DENND1A: variants seen among roughly 807,000 people sequenced by gnomAD.
DENND1A encodes DENN domain containing 1A, also known as DENN domain-containing protein 1A.
Under a neutral mutation model 113.7 loss-of-function variants are expected in DENND1A, and 51 were observed. The observed-to-expected ratio is 0.45, with a 90% CI of 0.36 to 0.57. DENND1A has a LOEUF of 0.57. DENND1A is among the 20% of genes least tolerant of loss of function. The pLI is 0.00. For synonymous variants in DENND1A, 565 were observed against 570.8 expected, an observed-to-expected ratio of 0.99 and a Z score of 0.14; for missense variants, 1,258 against 1,395.9, an observed-to-expected ratio of 0.90 and a Z score of 1.57.
At chr9:123,414,552 T>G in intron 19 of DENND1A, 1 of 1,550,250 alleles carries the variant, frequency 6.5e-7, no homozygotes, top group Non-Finnish European at 8.7e-7. Context: ...TGAGAAATGC[T>G]GTCTTCTGTC....
At chr9:123,412,365 C>T (rs1431706996) in intron 19 of DENND1A, among the ~76,000 whole-genome samples, 3 of 152,228 alleles carry the variant, frequency 2.0e-5, no homozygotes, top group Non-Finnish European at 2.9e-5. Flanking sequence ...GCCTGCCAAA[C>T]GTGTGCCTGT....
In DENND1A at chr9:123,785,606, T is replaced by G. The variant is rs558591418; in HGVS notation, c.132+6981A>C. ...AAGCAGATATTTAAGCTGGGATGTA[T>G]TTCTACATCTGTAATCTATCAATGA... On this transcript the variant is annotated intron_variant, in intron 3 of 23. Coordinates refer to ENST00000394215, the MANE Select transcript of DENND1A (RefSeq NM_001352964.2). Among the ~76,000 whole-genome samples, 26 of 152,280 alleles carry G rather than the reference T, an allele frequency of 1.7e-4. No individual in the cohort carries two copies. In the East Asian group the frequency reaches 5.0e-3, roughly 29 times the overall value.
chr9:123,546,394 A>G (rs2056691300), intron 13 of DENND1A, among the ~76,000 whole-genome samples: 1 of 150,374 alleles, frequency 6.7e-6, no homozygotes, highest in Non-Finnish European at 1.5e-5. Context: ...TAAAAATACA[A>G]AAAAAAAAGT....
At chr9:123,430,137 G>C (rs549747463) in intron 19 of DENND1A, among the ~76,000 whole-genome samples, 2 of 152,310 alleles carry the variant, frequency 1.3e-5, no homozygotes, top group Admixed American at 6.5e-5. Flanking sequence ...ACCACAATGA[G>C]ATACCATCTC....
At chr9:123,582,553 C>T (rs533797078) in intron 12 of DENND1A, among the ~76,000 whole-genome samples, 1 of 151,956 alleles carries the variant, frequency 6.6e-6, no homozygotes, top group Admixed American at 6.5e-5. Flanking sequence ...GCACATGCCA[C>T]CATGCTCAGT....
At chr9:123,523,867 C>G in intron 13 of DENND1A, among the ~76,000 whole-genome samples, 1 of 152,210 alleles carries the variant, frequency 6.6e-6, no homozygotes, top group Non-Finnish European at 1.5e-5. Context: ...GAAAACTCTT[C>G]TAGTCCAGAA....
chr9:123,507,014 A>C (rs2480454), intron 13 of DENND1A, among the ~76,000 whole-genome samples: 146,159 of 152,182 alleles, frequency 0.96, 70,397 homozygotes, highest in Non-Finnish European at 1. Context: ...GGTGAAACTC[A>C]GTCTCTACTA....
At chr9:123,710,751 C>A (rs1403940529) in intron 5 of DENND1A, among the ~76,000 whole-genome samples, 1 of 151,198 alleles carries the variant, frequency 6.6e-6, no homozygotes, top group East Asian at 1.9e-4. Context: ...TGACTCACTG[C>A]AACCTCCATC....
At chr9:123,467,400 A>G (rs533087190) in intron 13 of DENND1A, among the ~76,000 whole-genome samples, 1 of 152,308 alleles carries the variant, frequency 6.6e-6, no homozygotes, top group Non-Finnish European at 1.5e-5. Context: ...TCACGCCTGT[A>G]ATCCCAGCAC....
intron 2 of DENND1A, among the ~76,000 whole-genome samples, chr9:123,856,282 T>C (rs1484790661): frequency 6.6e-6 from 1 of 152,094 alleles, no homozygotes; most frequent in Non-Finnish European, 1.5e-5. Flanking sequence ...ATAGGAGGGC[T>C]TGCACAATAT....
chr9:123,507,781 GC>G (rs2053095411), intron 13 of DENND1A, among the ~76,000 whole-genome samples: 1 of 151,424 alleles, frequency 6.6e-6, no homozygotes, highest in South Asian at 2.1e-4. Flanking sequence ...CCATGATCAG[GC>G]CACTGCACTG....
At chr9:123,456,163 T>C (rs573086400) in intron 15 of DENND1A, among the ~76,000 whole-genome samples, 3 of 151,920 alleles carry the variant, frequency 2.0e-5, no homozygotes, top group Non-Finnish European at 4.4e-5. Flanking sequence ...CTGCAATGTT[T>C]ATAGGTGTAT....
chr9:123,822,564 GGGA>G (rs1326075614), intron 2 of DENND1A, among the ~76,000 whole-genome samples: 32 of 152,164 alleles, frequency 2.1e-4, no homozygotes, highest in African/African-American at 7.2e-4. Context: ...CTTTAAAAAT[GGGA>G]TATATCCTCA....
chr9:123,555,098 G>T (rs2057345383), intron 13 of DENND1A, among the ~76,000 whole-genome samples: 1 of 152,146 alleles, frequency 6.6e-6, no homozygotes, highest in African/African-American at 2.4e-5. Context: ...AATCTTGGGA[G>T]ACATTTTGAC....
At chr9:123,678,738 C>G (rs964628172) in intron 5 of DENND1A, among the ~76,000 whole-genome samples, 19 of 152,336 alleles carry the variant, frequency 1.2e-4, no homozygotes, top group African/African-American at 4.1e-4. Flanking sequence ...CTTAACTTTT[C>G]ACTTCTATGA....
chr9:123,590,033 T>C (rs1174954372), intron 11 of DENND1A, among the ~76,000 whole-genome samples: 2 of 152,212 alleles, frequency 1.3e-5, no homozygotes, highest in East Asian at 1.9e-4. Flanking sequence ...GATAAGCTAA[T>C]GTATGTAAAA....
intron 4 of DENND1A, among the ~76,000 whole-genome samples, chr9:123,762,417 G>A (rs1041401838): frequency 6.6e-6 from 1 of 152,136 alleles, no homozygotes; most frequent in African/African-American, 2.4e-5. Flanking sequence ...AGCCATTCAG[G>A]GCCTCTCCAG....
chr9:123,551,950 C>A (rs2057074859), intron 13 of DENND1A, among the ~76,000 whole-genome samples: 1 of 151,724 alleles, frequency 6.6e-6, no homozygotes, highest in South Asian at 2.1e-4. Flanking sequence ...GTCCCCCAGC[C>A]AGCTGCATTC....
intron 13 of DENND1A, among the ~76,000 whole-genome samples, chr9:123,552,354 G>A (rs2057142992): frequency 6.6e-6 from 1 of 152,238 alleles, no homozygotes; most frequent in South Asian, 2.1e-4. Flanking sequence ...CTCCTGCAAG[G>A]AGGGGATTAC....
Sources: gnomAD v4.1 joint callset for allele counts (sites outside exome capture counted in the v4.1 genomes callset) on GRCh38, gnomAD v4.1.1 for gene constraint, MANE v1.5 for transcripts, NCBI Gene and HGNC (gene_info 2026-07-23, HGNC 2026-07-21) for gene names.